Variants in DLG2 observed in about 807,000 individuals in gnomAD.
DLG2 encodes disks large homolog 2.
A neutral mutation model predicts 132.5 loss-of-function variants in DLG2; 45 were observed. The ratio of observed to expected loss-of-function variants is 0.34; its 90% CI spans 0.27 to 0.44. The LOEUF is 0.44. Among genes scored for constraint, DLG2 ranks in the 20% least tolerant of loss-of-function variants. DLG2 has a pLI of 1.00. For missense variants in DLG2, 1,045 were observed against 1,196.9 expected, an observed-to-expected ratio of 0.87 and a Z score of 1.87; for synonymous variants, 424 against 419.6, an observed-to-expected ratio of 1.01 and a Z score of -0.13.
At chr11:85,090,350 T>C (rs1162170413) in intron 6 of DLG2, among the ~76,000 whole-genome samples, 3 of 152,220 alleles carry the variant, frequency 2.0e-5, no homozygotes, top group Non-Finnish European at 4.4e-5. Context: ...TGCTATTCTC[T>C]ATAATGATAT....
At chr11:85,348,621 T>C (rs1389810914) in intron 3 of DLG2, among the ~76,000 whole-genome samples, 1 of 152,062 alleles carries the variant, frequency 6.6e-6, no homozygotes, top group Non-Finnish European at 1.5e-5. Flanking sequence ...TTATTATCTC[T>C]TTCCCCCCTC....
intron 6 of DLG2, among the ~76,000 whole-genome samples, chr11:84,845,895 G>A (rs2154016241): frequency 6.6e-6 from 1 of 152,010 alleles, no homozygotes; most frequent in African/African-American, 2.4e-5. Context: ...GGCCAGGCTG[G>A]TCTCGAACTC....
intron 11 of DLG2, among the ~76,000 whole-genome samples, chr11:84,019,899 C>T (rs190600980): frequency 2.6e-4 from 39 of 152,240 alleles, no homozygotes; most frequent in Non-Finnish European, 5.0e-4. Context: ...AAGTATGAGA[C>T]ACAAACTTTG....
At chr11:84,961,108 T>C (rs1054145960) in intron 6 of DLG2, among the ~76,000 whole-genome samples, 1 of 151,754 alleles carries the variant, frequency 6.6e-6, no homozygotes, top group African/African-American at 2.4e-5. Context: ...CGCTCCATGC[T>C]TCCTTAATTG....
intron 19 of DLG2, among the ~76,000 whole-genome samples, chr11:83,552,372 C>G: frequency 6.6e-6 from 1 of 152,058 alleles, no homozygotes; most frequent in East Asian, 1.9e-4. Context: ...AAAGAGTGAT[C>G]TCAGAGGGAA....
intron 3 of DLG2, among the ~76,000 whole-genome samples, chr11:85,300,052 A>T (rs1260184974): frequency 6.6e-6 from 1 of 152,158 alleles, no homozygotes; most frequent in Non-Finnish European, 1.5e-5. Flanking sequence ...CATTTCTTCA[A>T]CAAATATTTC....
intron 11 of DLG2, among the ~76,000 whole-genome samples, chr11:84,006,492 T>C (rs896111566): frequency 2.0e-5 from 3 of 151,554 alleles, no homozygotes; most frequent in Non-Finnish European, 3.0e-5. Context: ...CGATAAATAC[T>C]TAAGTATTTA....
intron 3 of DLG2, among the ~76,000 whole-genome samples, chr11:85,335,170 C>T (rs2082038587): frequency 6.6e-6 from 1 of 151,120 alleles, no homozygotes; most frequent in South Asian, 2.1e-4. Context: ...TATCATTGTG[C>T]CCTTTGTCCT....
At chr11:84,134,987 G>A (rs1216186340) in intron 9 of DLG2, among the ~76,000 whole-genome samples, 4 of 151,808 alleles carry the variant, frequency 2.6e-5, no homozygotes, top group Admixed American at 6.6e-5. Flanking sequence ...TCTTCTGTTT[G>A]GGTGACTAAA....
chr11:83,620,079 A>C (rs1278067228), intron 19 of DLG2, among the ~76,000 whole-genome samples: 1 of 152,212 alleles, frequency 6.6e-6, no homozygotes, highest in African/African-American at 2.4e-5. Context: ...CTGTGGAATC[A>C]GATAATTGTA....
intron 6 of DLG2, among the ~76,000 whole-genome samples, chr11:85,027,275 A>G (rs1354332567): frequency 6.6e-6 from 1 of 151,664 alleles, no homozygotes; most frequent in Non-Finnish European, 1.5e-5. Flanking sequence ...CATACATCAG[A>G]AAGAATTTGG....
intron 15 of DLG2, among the ~76,000 whole-genome samples, chr11:83,920,454 C>T (rs764314584): frequency 6.6e-6 from 1 of 152,126 alleles, no homozygotes; most frequent in Non-Finnish European, 1.5e-5. Context: ...CAGCCCTTCC[C>T]CCATACTGCC....
At chr11:84,953,419 C>T (rs982465413) in intron 6 of DLG2, among the ~76,000 whole-genome samples, 1 of 152,170 alleles carries the variant, frequency 6.6e-6, no homozygotes, top group African/African-American at 2.4e-5. Flanking sequence ...TTTACCTGGC[C>T]AGCTACTTCC....
At chr11:83,715,128 GTAACTACAATTTTAAC>G (rs1566668015) in intron 18 of DLG2, among the ~76,000 whole-genome samples, 2 of 152,086 alleles carry the variant, frequency 1.3e-5, no homozygotes, top group Non-Finnish European at 2.9e-5. Context: ...GATGAAACTG[GTAACTACAATTTTAAC>G]TCCTTCCCTC....
intron 18 of DLG2, among the ~76,000 whole-genome samples, chr11:83,748,096 G>A (rs564472469): frequency 6.6e-6 from 1 of 152,154 alleles, no homozygotes; most frequent in Admixed American, 6.5e-5. Context: ...ATAAAATGCT[G>A]CTTTCCTTTA....
chr11:84,434,061 G>C (rs2098993156), intron 7 of DLG2, among the ~76,000 whole-genome samples: 1 of 147,486 alleles, frequency 6.8e-6, no homozygotes, highest in Non-Finnish European at 1.5e-5. Context: ...TGAGACTGCA[G>C]TTTAAGCAGT....
At chr11:84,724,345 C>T (rs541409310) in intron 6 of DLG2, among the ~76,000 whole-genome samples, 4 of 152,214 alleles carry the variant, frequency 2.6e-5, no homozygotes, top group African/African-American at 7.2e-5. Flanking sequence ...AGAAAATTTG[C>T]TCTTCTATAA....
chr11:84,551,793 A>G (rs879601460), intron 6 of DLG2, among the ~76,000 whole-genome samples: 16 of 152,290 alleles, frequency 1.1e-4, no homozygotes, highest in Non-Finnish European at 2.1e-4. Flanking sequence ...TTAAAAGCTA[A>G]GGTCTGTAAG....
chr11:83,484,315 GCA>G (rs2093356045), intron 21 of DLG2, 87 bp from the exon 22 acceptor site: 1 of 938,640 alleles, frequency 1.1e-6, no homozygotes, highest in South Asian at 1.4e-5. Flanking sequence ...GTTTGTAAAA[GCA>G]CAGAGAGCTG....
Sources: gnomAD v4.1 joint callset for allele counts (sites outside exome capture counted in the v4.1 genomes callset) on GRCh38, gnomAD v4.1.1 for gene constraint, MANE v1.5 for transcripts, NCBI Gene and HGNC (gene_info 2026-07-23, HGNC 2026-07-21) for gene names.